The following ZNF384 variants were observed in gnomAD, a reference collection of about 807,000 sequenced individuals.
The protein encoded by ZNF384 is CAG repeat protein 1.
Under a neutral mutation model 65.0 loss-of-function variants are expected in ZNF384, and 20 were observed. That is an observed-to-expected ratio of 0.31 (90% CI 0.22 to 0.45). The LOEUF (loss-of-function observed/expected upper bound fraction) is 0.45. Ranked by LOEUF, ZNF384 falls within the 20% of genes least tolerant of loss-of-function variation. The pLI, the probability that ZNF384 is intolerant of heterozygous loss-of-function variation, is 1.00. For missense variants in ZNF384, 549 were observed against 769.4 expected (o/e 0.71, Z 3.39); for synonymous variants, 310 against 303.9 (o/e 1.02, Z -0.21).
At chr12:6,680,446 C>T (rs1290854107) in intron 2 of ZNF384, among the ~76,000 whole-genome samples, 2 of 151,912 alleles carry the variant, frequency 1.3e-5, no homozygotes, top group African/African-American at 2.4e-5. Context: ...CTCAGAAGTT[C>T]GAGACCAGGC....
intron 2 of ZNF384, among the ~76,000 whole-genome samples, chr12:6,685,025 T>C (rs1957390021): frequency 6.6e-6 from 1 of 152,324 alleles, no homozygotes; most frequent in Admixed American, 6.5e-5. Flanking sequence ...AACTCATGTC[T>C]ACACAGAGAG....
chr12:6,679,434 C>T (rs1328658770), intron 3 of ZNF384, 21 bp downstream of exon 3: 1 of 1,611,526 alleles, frequency 6.2e-7, no homozygotes, highest in South Asian at 1.1e-5. Flanking sequence ...TTGGAGAGAG[C>T]AAGAAAGCAA....
intron 7 of ZNF384, among the ~76,000 whole-genome samples, chr12:6,675,298 T>C (rs1953068234): frequency 6.6e-6 from 1 of 152,210 alleles, no homozygotes; most frequent in Non-Finnish European, 1.5e-5. Flanking sequence ...AGACACATTG[T>C]TTCTACTCCT....
Position 6,678,250 on chromosome 12 carries a change from G to A in ZNF384, c.563C>T (p.Pro188Leu), listed in dbSNP as rs779390329. 3.1e-6 allele frequency: 5 copies of A among 1,614,056 alleles called. No homozygotes were observed. In the Admixed American group the frequency reaches 5.0e-5, roughly 16 times the overall value. Residue 188 changes from proline to leucine, a missense_variant, in exon 6 of 12, where the codon CCT becomes CTT. By Grantham distance (98) the Pro-to-Leu change is moderately conservative. Around this residue, in one of 5 missense-constraint regions of ZNF384, gnomAD observed 277 missense variants for 337.2 expected, o/e 0.82. Transcript: ENST00000683879. The surrounding 1 kb of genome is among the most constrained non-coding windows in gnomAD (Gnocchi z 4.9). ...CTTCTTCCGGCCCCGGGGTGGCTTA[G>A]GAGCCACACTGCCACCTCCACCACC... ...GGGGGGGSVA[P>L]KPPRGRKKKR...
chr12:6,689,075 G>C (rs1485835824), intron 1 of ZNF384, 23 bp downstream of exon 1: 2 of 152,200 alleles, frequency 1.3e-5, no homozygotes, highest in Non-Finnish European at 2.9e-5. Context: ...GGCGCGCGCC[G>C]GCTGTAGCGG....
At position 6,667,714 on chromosome 12, in the gene ZNF384, C is replaced by CT. The variant is rs772658812; in HGVS notation, c.1826dup (p.Ter609=). 6 of 1,614,004 alleles carry CT rather than the reference C, an allele frequency of 3.7e-6. No homozygotes were observed. The highest frequency in any genetic ancestry group is 1.1e-5 in the South Asian group (1 of 91,090). The change falls in exon 12 of 12, where the codon TAG becomes TAAG. Residue 609 remains the stop codon, a frameshift_variant and stop_retained_variant. Transcript: ENST00000683879. LOFTEE classifies it high-confidence loss of function. ...TCCCAGTGGGTGGCAGCACGGATCTCTAAGAGCTGGCCAGGTGCTCCACCT... is the reference window on the plus strand; with the variant it reads ...TCCCAGTGGGTGGCAGCACGGATCTCTTAAGAGCTGGCCAGGTGCTCCACCT... ...TIQVEHLASS[*]
intron 10 of ZNF384, among the ~76,000 whole-genome samples, chr12:6,669,757 C>T (rs149366347): frequency 2.0e-4 from 31 of 152,208 alleles, no homozygotes; most frequent in African/African-American, 6.5e-4. Flanking sequence ...CCGCCTCCGC[C>T]GCCCAAAGTG....
In ZNF384 at chr12:6,667,683, T is replaced by C. The variant is rs762548623; in HGVS notation, c.*31A>G. The C allele has an allele frequency of 6.2e-7, 1 of 1,613,926 alleles. No homozygotes were observed. The highest frequency in any genetic ancestry group is 1.1e-5 in the South Asian group (1 of 91,072). On this transcript the variant is annotated 3_prime_UTR_variant, in exon 12 of 12. Transcript: ENST00000683879. ...GAAAGAAGACACCAGGACTACTTCT[T>C]CCTCTTCCCAGTGGGTGGCAGCACG... is the stretch of plus-strand genomic sequence containing the variant.
rs1952307395 is a variant in ZNF384, at chr12:6,673,476, C to A, written c.780-36G>T. The A allele has an allele frequency of 1.3e-6, 2 of 1,593,972 alleles. No individual in the cohort carries two copies. Among genetic ancestry groups the A allele is most frequent in the Non-Finnish European group, 1.7e-6 (2 of 1,165,162 alleles). On this transcript the variant is annotated intron_variant, in intron 7 of 11. Transcript: ENST00000683879. The surrounding 1 kb of genome is among the most constrained non-coding windows in gnomAD (Gnocchi z 4.7). ...TGAGGGCAATGGTTAGAACCCTTCC[C>A]ATCAAGAAGGTGTGGCTGAACCCTC...
rs573856827 is a variant in ZNF384, at chr12:6,678,561, C to G, written c.353-101G>C. 7.0e-5 allele frequency: 108 copies of G among 1,541,816 alleles called. No homozygotes were observed. The highest frequency in any genetic ancestry group is 4.0e-4 in the Admixed American group (23 of 57,088). On this transcript the variant is annotated intron_variant, in intron 5 of 11. Coordinates refer to ENST00000683879, the MANE Select transcript of ZNF384 (RefSeq NM_001385745.1). The surrounding 1 kb of genome is among the most constrained non-coding windows in gnomAD (Gnocchi z 4.9). ...CATTGTCTAATTAACCCCTCACCCC[C>G]CCGCCGACCCAACCCAGAGTACACA...
intron 2 of ZNF384, among the ~76,000 whole-genome samples, chr12:6,683,398 C>A (rs528853809): frequency 6.8e-6 from 1 of 147,142 alleles, no homozygotes; most frequent in East Asian, 2.1e-4. Context: ...AGGAAGTTGG[C>A]TGGGTGTGGT....
chr12:6,673,834 T>C lies in ZNF384; in HGVS notation c.780-394A>G, dbSNP rs561019950. On this transcript the variant is annotated intron_variant, in intron 7 of 11. Transcript: ENST00000683879. The surrounding 1 kb of genome is among the most constrained non-coding windows in gnomAD (Gnocchi z 4.7). Reference sequence around the variant, plus strand: ...TGTTCCTATGTATGAAGCACATGCCTCTGTATTCCTCAAGACCCCGAGATG... The same window carrying C: ...TGTTCCTATGTATGAAGCACATGCCCCTGTATTCCTCAAGACCCCGAGATG... Among the ~76,000 whole-genome samples, 1 of 152,332 alleles carries C rather than the reference T, an allele frequency of 6.6e-6. No individual in the cohort carries two copies. The highest frequency in any genetic ancestry group is 2.1e-4 in the South Asian group (1 of 4,828).
At chr12:6,686,246 T>C (rs117244485) in intron 2 of ZNF384, among the ~76,000 whole-genome samples, 1,698 of 152,298 alleles carry the variant, frequency 0.011, 27 homozygotes, top group Non-Finnish European at 0.015. Context: ...GCCTTGGGAA[T>C]CAAGACTTCT....
intron 7 of ZNF384, among the ~76,000 whole-genome samples, chr12:6,674,556 CAGG>C (rs773367596): frequency 1.2e-4 from 18 of 152,150 alleles, no homozygotes; most frequent in Non-Finnish European, 2.4e-4. Flanking sequence ...TTTTTCATCT[CAGG>C]AGAATTTTTT....
At position 6,678,563 on chromosome 12, in the gene ZNF384, C is replaced by A. The variant is rs760517565; in HGVS notation, c.352+100G>T. Reference sequence around the variant, plus strand: ...TTGTCTAATTAACCCCTCACCCCCCCGCCGACCCAACCCAGAGTACACAGG... The same window carrying A: ...TTGTCTAATTAACCCCTCACCCCCCAGCCGACCCAACCCAGAGTACACAGG... On this transcript the variant is annotated intron_variant, in intron 5 of 11. Coordinates refer to ENST00000683879, the MANE Select transcript of ZNF384 (RefSeq NM_001385745.1). The surrounding 1 kb of genome is among the most constrained non-coding windows in gnomAD (Gnocchi z 4.9). The A allele has an allele frequency of 1.3e-6, 2 of 1,551,228 alleles. No individual in the cohort carries two copies. The highest frequency in any genetic ancestry group is 1.1e-5 in the South Asian group (1 of 87,358).
In ZNF384 at chr12:6,672,332, C is replaced by A; in HGVS notation, c.1187+18G>T. 1 of 1,608,406 alleles carries A rather than the reference C, an allele frequency of 6.2e-7. No individual in the cohort carries two copies. The highest frequency in any genetic ancestry group is 8.5e-7 in the Non-Finnish European group (1 of 1,177,054). On this transcript the variant is annotated intron_variant, in intron 9 of 11. Transcript: ENST00000683879. This position sits in a 1 kb window ranked among gnomAD's most constrained non-coding sequence, Gnocchi z 4.4. ...CATGCCAGCGGGGCGGGGTCAGTAG[C>A]CCGCCACTCTCCCTTACCGTGTGTG...
Position 6,667,853 on chromosome 12 carries a change from C to T in ZNF384, c.1688G>A (p.Gly563Asp), listed in dbSNP as rs199549808. The T allele has an allele frequency of 5.0e-4, 804 of 1,614,064 alleles. 1 individual carries two copies. The highest frequency in any genetic ancestry group is 6.6e-4 in the Non-Finnish European group (779 of 1,180,038). Residue 563 changes from glycine to aspartate, a missense_variant, in exon 12 of 12, where the codon GGT becomes GAT. Physicochemically the swap from Gly to Asp is moderately conservative, Grantham distance 94. Coordinates refer to ENST00000683879, the MANE Select transcript of ZNF384 (RefSeq NM_001385745.1). ...QSPGAAPQGG[G>D]GGDSNPNPPP... Reference sequence around the variant, plus strand: ...AGGGTTGGGATTGCTGTCCCCACCACCCCCACCCTGGGGGGCTGCCCCAGG... The same window carrying T: ...AGGGTTGGGATTGCTGTCCCCACCATCCCCACCCTGGGGGGCTGCCCCAGG...
chr12:6,688,517 C>T (rs1372909738), intron 1 of ZNF384: 1 of 152,366 alleles, frequency 6.6e-6, no homozygotes, highest in Non-Finnish European at 1.5e-5. Flanking sequence ...CCACAGGTAA[C>T]CAGGGGTCAG....
At position 6,667,711 on chromosome 12, in the gene ZNF384, T is replaced by A. The variant is rs1390032409; in HGVS notation, c.*3A>T. On this transcript the variant is annotated 3_prime_UTR_variant, in exon 12 of 12. Coordinates refer to ENST00000683879, the MANE Select transcript of ZNF384 (RefSeq NM_001385745.1). ...TCTTCCCAGTGGGTGGCAGCACGGA[T>A]CTCTAAGAGCTGGCCAGGTGCTCCA... 6.2e-7 allele frequency: 1 copy of A among 1,613,886 alleles called. No homozygotes were observed. Among genetic ancestry groups the A allele is most frequent in the Non-Finnish European group, 8.5e-7 (1 of 1,179,998 alleles).
Sources: allele counts gnomAD v4.1 joint callset (sites outside exome capture counted in the v4.1 genomes callset), GRCh38; gene constraint gnomAD v4.1.1; regional missense constraint gnomAD v4.1.1; non-coding constraint Gnocchi (gnomAD v3.1); transcripts MANE v1.5; gene names NCBI Gene and HGNC (gene_info 2026-07-23, HGNC 2026-07-21).